The following SPART variants were observed in gnomAD, a reference collection of about 807,000 sequenced individuals.
SPART encodes spastic paraplegia 20 (Troyer syndrome).
SPART carries 35 observed loss-of-function variants against 58.7 expected under a neutral mutation model. The observed-to-expected ratio is 0.60, with a 90% confidence interval of 0.46 to 0.79. The LOEUF is 0.79. Ranked by LOEUF, SPART falls within the 30% of genes least tolerant of loss-of-function variation. SPART has a pLI of 0.00. For missense variants in SPART, 730 were observed against 786.1 expected (o/e 0.93, Z 0.85); for synonymous variants, 284 against 280.7 (o/e 1.01, Z -0.12).
chr13:36,324,360 G>A (rs950012196), intron 5 of SPART, among the ~76,000 whole-genome samples: 1 of 152,184 alleles, frequency 6.6e-6, no homozygotes, highest in African/African-American at 2.4e-5. Context: ...ACCATGCTAG[G>A]TGGAAGTCCA....
intron 5 of SPART, among the ~76,000 whole-genome samples, chr13:36,323,544 C>G (rs1882629620): frequency 6.6e-6 from 1 of 152,102 alleles, no homozygotes; most frequent in African/African-American, 2.4e-5. Flanking sequence ...GGACAGGCAC[C>G]AATTATGGGC....
chr13:36,352,358 A>G (rs941660578), intron 1 of SPART, among the ~76,000 whole-genome samples: 1 of 152,180 alleles, frequency 6.6e-6, no homozygotes, highest in Non-Finnish European at 1.5e-5. Context: ...GCTAAATTGT[A>G]CTTTTTATAT....
At chr13:36,330,429 TACAC>T (rs10547331) in intron 3 of SPART, among the ~76,000 whole-genome samples, 28,169 of 149,980 alleles carry the variant, frequency 0.19, 2,676 homozygotes, top group Non-Finnish European at 0.22. Flanking sequence ...TATATTTTCA[TACAC>T]ACACACACAC....
intron 8 of SPART, among the ~76,000 whole-genome samples, chr13:36,310,607 C>T (rs1349940488): frequency 1.3e-5 from 2 of 152,170 alleles, no homozygotes; most frequent in African/African-American, 2.4e-5. Context: ...GTCTGCAATA[C>T]AGTATACTTG....
In SPART at chr13:36,301,688, T is replaced by C. The variant is rs199841638; in HGVS notation, c.*2677A>G. 2.0e-5 allele frequency: 3 copies of C among 152,220 alleles called. No individual in the cohort carries two copies. The East Asian group carries it at 5.8e-4, about 29-fold the overall frequency. The allele number at this position is 152,220 out of a possible 1,614,324, so 9.4% of individuals were successfully genotyped here. A position where few individuals can be genotyped will look rare whatever the true frequency, so the allele number is the denominator to read the frequency against. On this transcript the variant is annotated 3_prime_UTR_variant, in exon 9 of 9. Transcript: ENST00000438666. The stretch of plus-strand genomic sequence containing the variant: ...ATATGCTACATTAACAATAAAAACA[T>C]TGCAAAGGGAAGTAATACTCAAGAG...
intron 2 of SPART, among the ~76,000 whole-genome samples, chr13:36,332,110 C>T (rs1883516808): frequency 6.6e-6 from 1 of 152,096 alleles, no homozygotes; most frequent in African/African-American, 2.4e-5. Flanking sequence ...AATTAAGTCG[C>T]CCAGAACCAA....
chr13:36,320,572 A>C lies in SPART; in HGVS notation c.1288+6003T>G, dbSNP rs867605792. The stretch of plus-strand genomic sequence containing the variant: ...CTCAAGGAAATAACTTCTCAGTGTT[A>C]CATCTGCTATTCTACTACTCCTCAG... On this transcript the variant is annotated intron_variant, in intron 5 of 8. Transcript: ENST00000438666. 9.6e-4 allele frequency among the ~76,000 whole-genome samples: 144 copies of C among 150,584 alleles called. 1 individual carries two copies. Among genetic ancestry groups the C allele is most frequent in the African/African-American group, 2.4e-3 (99 of 41,408 alleles).
intron 1 of SPART, among the ~76,000 whole-genome samples, chr13:36,355,335 G>A (rs1885580215): frequency 6.6e-6 from 1 of 152,090 alleles, no homozygotes. Flanking sequence ...TCTACAACAT[G>A]TATTTTGTAT....
upstream of SPART, among the ~76,000 whole-genome samples, chr13:36,347,119 ACAGAC>A (rs1885196649): frequency 6.6e-6 from 1 of 151,946 alleles, no homozygotes; most frequent in Non-Finnish European, 1.5e-5. Context: ...ATTGTAGATG[ACAGAC>A]TCTTCAATAG....
intron 5 of SPART, 37 bp from the exon 6 acceptor site, chr13:36,314,458 G>C (rs781737898): frequency 1.3e-6 from 2 of 1,578,380 alleles, no homozygotes; most frequent in East Asian, 4.5e-5. Flanking sequence ...ACAATATTAG[G>C]GCTAATTATG....
At chr13:36,352,786 CAAAAAAA>C (rs34599910) in intron 1 of SPART, among the ~76,000 whole-genome samples, 3 of 113,380 alleles carry the variant, frequency 2.6e-5, no homozygotes, top group African/African-American at 1.1e-4. Flanking sequence ...ATCCCGTTTC[CAAAAAAA>C]AAAAAAAAAA....
chr13:36,362,023 T>C (rs1008248322), intron 1 of SPART, among the ~76,000 whole-genome samples: 5 of 152,178 alleles, frequency 3.3e-5, no homozygotes, highest in African/African-American at 9.6e-5. Context: ...GGCATTATTA[T>C]CACTGCAGTC....
intron 1 of SPART, among the ~76,000 whole-genome samples, chr13:36,340,477 A>C (rs1029793503): frequency 1.3e-5 from 2 of 152,196 alleles, no homozygotes; most frequent in Non-Finnish European, 2.9e-5. Context: ...CTTACACACA[A>C]AAAAAGAGAG....
chr13:36,346,286 C>G lies in SPART; in HGVS notation c.-64G>C, dbSNP rs1885110000. ...TCGAGAGCTCCCTGCGCGGCCGCCG[C>G]GGCACGGACCAGCTCCCACTCCCTT... On this transcript the variant is annotated 5_prime_UTR_variant, in exon 1 of 9. Transcript: ENST00000438666. The G allele has an allele frequency of 6.6e-6, 1 of 152,306 alleles. No homozygotes were observed. The highest frequency in any genetic ancestry group is 2.1e-4 in the South Asian group (1 of 4,838). The allele number at this position is 152,306 out of a possible 1,614,324, so 9.4% of individuals were successfully genotyped here. A position where few individuals can be genotyped will look rare whatever the true frequency, so the allele number is the denominator to read the frequency against.
chr13:36,365,489 A>T, intron 1 of SPART: 1 of 352,666 alleles, frequency 2.8e-6, no homozygotes, highest in Non-Finnish European at 5.8e-6. Flanking sequence ...TTGTTTTTGC[A>T]AATATCTTAG....
At chr13:36,362,792 CT>C (rs5802820) in intron 1 of SPART, among the ~76,000 whole-genome samples, 122,298 of 150,302 alleles carry the variant, frequency 0.81, 49,782 homozygotes, top group East Asian at 0.88. Context: ...GTGGAGGATA[CT>C]TTTTTTTTTT....
At chr13:36,368,775 G>A (rs1299168405) in intron 1 of SPART, among the ~76,000 whole-genome samples, 1 of 152,130 alleles carries the variant, frequency 6.6e-6, no homozygotes, top group African/African-American at 2.4e-5. Flanking sequence ...AGGCTGAGGT[G>A]GGCTGTTCAT....
chr13:36,335,506 C>G lies in SPART; in HGVS notation c.325G>C (p.Glu109Gln). 6.2e-7 allele frequency: 1 copy of G among 1,614,120 alleles called. No homozygotes were observed. The highest frequency in any genetic ancestry group is 8.5e-7 in the Non-Finnish European group (1 of 1,180,034). The change falls in exon 2 of 9, where the codon GAG (glutamate) becomes CAG (glutamine). Residue 109 changes from glutamate to glutamine, a missense_variant. Coordinates refer to ENST00000438666, the MANE Select transcript of SPART (RefSeq NM_015087.5). ...AATTCTGGATATAACTTGGGCACCT[C>G]CTGAAGATCATTCTGCAGAGAAGTG... is the stretch of plus-strand genomic sequence containing the variant. ...LATSLQNDLQ[E>Q]VPKLYPEFPP...
At position 36,304,547 on chromosome 13, in the gene SPART, T is replaced by C. The variant is rs1037271719; in HGVS notation, c.1819A>G (p.Ile607Val). ...TTCTTCACCATTGCTTTGATACCAA[T>C]GTTGTTAATATTGTAGGCAGTTACG... ...VGVTAYNINN[I>V]GIKAMVKKTA... The change falls in exon 9 of 9, where the codon ATT becomes GTT. Residue 607 changes from isoleucine to valine, a missense_variant. Physicochemically the swap from Ile to Val is conservative, Grantham distance 29. Transcript: ENST00000438666. 1 of 1,614,160 alleles carries C rather than the reference T, an allele frequency of 6.2e-7. No individual in the cohort carries two copies. Among genetic ancestry groups the C allele is most frequent in the Non-Finnish European group, 8.5e-7 (1 of 1,180,016 alleles).
Sources: allele counts gnomAD v4.1 joint callset (sites outside exome capture counted in the v4.1 genomes callset), GRCh38; gene constraint gnomAD v4.1.1; transcripts MANE v1.5; gene names NCBI Gene and HGNC (gene_info 2026-07-23, HGNC 2026-07-21).